The following HDAC9 variants were observed in gnomAD, a reference collection of about 807,000 sequenced individuals.
HDAC9 encodes the protein histone deacetylase 9.
In HDAC9, 41 loss-of-function variants were observed where a neutral mutation model predicts 139.4. The observed-to-expected ratio is 0.29, with a 90% CI of 0.23 to 0.38. The LOEUF (loss-of-function observed/expected upper bound fraction) is 0.38, where lower values mean the gene tolerates loss of function less well. Among genes scored for constraint, HDAC9 ranks in the 10% least tolerant of loss-of-function variants. The probability of loss-of-function intolerance (pLI) is 1.00; values close to 1 mark genes in which losing one functional copy is unlikely to be tolerated. For missense variants in HDAC9, 1,147 were observed against 1,297.0 expected (o/e 0.88, Z 1.78); for synonymous variants, 517 against 476.2 (o/e 1.09, Z -1.12).
chr7:18,911,510 T>G (rs1300139817), intron 22 of HDAC9, among the ~76,000 whole-genome samples: 4 of 151,952 alleles, frequency 2.6e-5, no homozygotes, highest in African/African-American at 7.2e-5. Flanking sequence ...GTCTCTATTT[T>G]GTTCATTTCT....
chr7:18,932,435 C>T (rs1804827652), intron 22 of HDAC9, among the ~76,000 whole-genome samples: 2 of 152,154 alleles, frequency 1.3e-5, no homozygotes, highest in South Asian at 4.1e-4. Context: ...TAAAATCATC[C>T]TTTTAAATTT....
At chr7:18,950,999 C>G (rs1481664486) in intron 23 of HDAC9, among the ~76,000 whole-genome samples, 1 of 151,888 alleles carries the variant, frequency 6.6e-6, no homozygotes, top group Non-Finnish European at 1.5e-5. Context: ...TGTTCTAAGT[C>G]ATGCAAATAA....
chr7:18,400,603 C>G (rs1787449908), intron 1 of HDAC9, among the ~76,000 whole-genome samples: 1 of 152,110 alleles, frequency 6.6e-6, no homozygotes, highest in Admixed American at 6.5e-5. Flanking sequence ...TGGACAGTTT[C>G]TGGAATGGGA....
intron 25 of HDAC9, among the ~76,000 whole-genome samples, chr7:18,987,652 C>T (rs1460922983): frequency 1.3e-5 from 2 of 152,088 alleles, no homozygotes; most frequent in Admixed American, 6.5e-5. Flanking sequence ...GTACCAGTTC[C>T]TCCTTGTACC....
chr7:18,944,019 A>T (rs1399792952), intron 23 of HDAC9, among the ~76,000 whole-genome samples: 1 of 152,180 alleles, frequency 6.6e-6, no homozygotes, highest in Non-Finnish European at 1.5e-5. Context: ...AAAATAGGTT[A>T]TTTCAAGAAT....
chr7:18,767,402 T>C (rs893283342), intron 16 of HDAC9, among the ~76,000 whole-genome samples: 2 of 152,176 alleles, frequency 1.3e-5, no homozygotes, highest in Non-Finnish European at 2.9e-5. Context: ...CTTCTAACTG[T>C]AAGTTCCCGT....
chr7:18,537,958 T>G (rs1165197369), intron 2 of HDAC9, among the ~76,000 whole-genome samples: 1 of 152,210 alleles, frequency 6.6e-6, no homozygotes, highest in Non-Finnish European at 1.5e-5. Flanking sequence ...TCAGGCAGCA[T>G]CATCCTCTGT....
chr7:18,142,518 A>C (rs1562668348), intron 1 of HDAC9, among the ~76,000 whole-genome samples: 1 of 152,216 alleles, frequency 6.6e-6, no homozygotes, highest in Non-Finnish European at 1.5e-5. Flanking sequence ...TACTGGGATG[A>C]AGTGAACGTC....
intron 12 of HDAC9, among the ~76,000 whole-genome samples, chr7:18,679,144 T>C (rs1159208986): frequency 6.6e-6 from 1 of 151,944 alleles, no homozygotes; most frequent in Non-Finnish European, 1.5e-5. Context: ...GTATTCACTT[T>C]AGAAGCTAGT....
At chr7:18,938,988 G>GTTTAGA (rs1186114895) in intron 23 of HDAC9, among the ~76,000 whole-genome samples, 2 of 152,154 alleles carry the variant, frequency 1.3e-5, no homozygotes, top group Non-Finnish European at 2.9e-5. Flanking sequence ...CCATGTGAGT[G>GTTTAGA]TTTAGATTGC....
intron 1 of HDAC9, among the ~76,000 whole-genome samples, chr7:18,113,364 A>C (rs928103941): frequency 6.6e-6 from 1 of 152,246 alleles, no homozygotes; most frequent in African/African-American, 2.4e-5. Context: ...TTTAAATAAA[A>C]AATGAGAGAC....
At chr7:18,852,284 A>C (rs1797357943) in intron 21 of HDAC9, among the ~76,000 whole-genome samples, 2 of 152,212 alleles carry the variant, frequency 1.3e-5, no homozygotes, top group South Asian at 4.1e-4. Flanking sequence ...TTGACCATGC[A>C]CTAGGAGAAC....
chr7:18,734,829 T>G (rs539744600), intron 13 of HDAC9, among the ~76,000 whole-genome samples: 3 of 152,348 alleles, frequency 2.0e-5, no homozygotes, highest in African/African-American at 7.2e-5. Flanking sequence ...TCCACAATGG[T>G]TGAACTAGTT....
At chr7:18,743,501 A>G (rs1206130997) in intron 13 of HDAC9, among the ~76,000 whole-genome samples, 2 of 152,104 alleles carry the variant, frequency 1.3e-5, no homozygotes, top group African/African-American at 4.8e-5. Context: ...TAATTTAAAA[A>G]TTACACTGTT....
chr7:18,889,683 G>A (rs909785309), intron 22 of HDAC9, among the ~76,000 whole-genome samples: 7 of 152,052 alleles, frequency 4.6e-5, no homozygotes, highest in Admixed American at 6.5e-5. Flanking sequence ...ACCAACACAT[G>A]GGTCTGCCAC....
At chr7:18,633,583 G>T (rs1782963323) in intron 7 of HDAC9, among the ~76,000 whole-genome samples, 1 of 152,054 alleles carries the variant, frequency 6.6e-6, no homozygotes, top group African/African-American at 2.4e-5. Context: ...ACATAATCAT[G>T]AGTAGAAAGA....
chr7:18,125,148 A>C (rs1347477681), intron 1 of HDAC9, among the ~76,000 whole-genome samples: 1 of 152,080 alleles, frequency 6.6e-6, no homozygotes, highest in Non-Finnish European at 1.5e-5. Context: ...CGTGGCTGAG[A>C]ACAGCTGCAG....
intron 1 of HDAC9, among the ~76,000 whole-genome samples, chr7:18,119,504 C>T (rs1457411294): frequency 6.6e-6 from 1 of 152,174 alleles, no homozygotes; most frequent in Non-Finnish European, 1.5e-5. Flanking sequence ...TTGAATTTGT[C>T]TCCTGTCTTC....
At chr7:18,513,220 C>T (rs529864875) in intron 2 of HDAC9, among the ~76,000 whole-genome samples, 12 of 152,136 alleles carry the variant, frequency 7.9e-5, no homozygotes, top group African/African-American at 2.7e-4. Flanking sequence ...ATAGAGGGAC[C>T]GGAAGGAATT....
Sources: gnomAD v4.1 joint callset for allele counts (sites outside exome capture counted in the v4.1 genomes callset) on GRCh38, gnomAD v4.1.1 for gene constraint, MANE v1.5 for transcripts, NCBI Gene and HGNC (gene_info 2026-07-23, HGNC 2026-07-21) for gene names.